NDRG2: variants seen among roughly 807,000 people sequenced by gnomAD.
The protein encoded by NDRG2 is NDRG family member 2.
In NDRG2, 34 loss-of-function variants were observed where a neutral mutation model predicts 58.2. The observed-to-expected ratio is 0.58, with a 90% CI of 0.44 to 0.78. The LOEUF (loss-of-function observed/expected upper bound fraction) is 0.78, where lower values mean the gene tolerates loss of function less well. Among genes scored for constraint, NDRG2 ranks in the 30% least tolerant of loss-of-function variants. The pLI, the probability that NDRG2 is intolerant of heterozygous loss-of-function variation, is 0.00. For missense variants in NDRG2, 434 were observed against 471.2 expected, an observed-to-expected ratio of 0.92 and a Z score of 0.73; for synonymous variants, 187 against 175.9, an observed-to-expected ratio of 1.06 and a Z score of -0.50.
chr14:21,018,300 G>A (rs1878023562), intron 13 of NDRG2, 61 bp from the exon 14 acceptor site: 5 of 1,610,848 alleles, frequency 3.1e-6, no homozygotes, highest in Middle Eastern at 1.7e-4. Flanking sequence ...ATGCAGAGAG[G>A]TGGAAAGGGT....
chr14:21,017,563 G>A lies in NDRG2; in HGVS notation c.*33C>T. On this transcript the variant is annotated 3_prime_UTR_variant, in exon 16 of 16. Transcript: ENST00000556147. ...CCAGGTTAGCTCTGGGGGAGGTGAGGGCTGGGTCCCACTCTAGGGCAACAA... is the reference window on the plus strand; with the variant it reads ...CCAGGTTAGCTCTGGGGGAGGTGAGAGCTGGGTCCCACTCTAGGGCAACAA... 1 of 1,601,894 alleles carries A rather than the reference G, an allele frequency of 6.2e-7. No individual in the cohort carries two copies. Among genetic ancestry groups the A allele is most frequent in the South Asian group, 1.1e-5 (1 of 88,676 alleles).
chr14:21,043,471 G>GA (rs781484631), intron 1 of NDRG2: 1 of 1,567,174 alleles, frequency 6.4e-7, no homozygotes, highest in South Asian at 1.2e-5. Context: ...TAGGTTTCCA[G>GA]ACTGGCTTGC....
chr14:21,025,021 C>A lies in NDRG2; in HGVS notation c.-998G>T. The A allele has an allele frequency of 2.0e-6, 2 of 986,046 alleles. No homozygotes were observed. Among genetic ancestry groups the A allele is most frequent in the Non-Finnish European group, 2.4e-6 (2 of 830,440 alleles). The allele number at this position is 986,046 out of a possible 1,614,324, so 61.1% of individuals were successfully genotyped here. A position where few individuals can be genotyped will look rare whatever the true frequency, so the allele number is the denominator to read the frequency against. On this transcript the variant is annotated 5_prime_UTR_variant, in exon 1 of 16. Transcript: ENST00000556147. This position sits in a 1 kb window ranked among gnomAD's most constrained non-coding sequence, Gnocchi z 5.1. The stretch of plus-strand genomic sequence containing the variant: ...GCCCTACGGCCCCTCGCCTGCCCCT[C>A]CCCCTACCTGCTGCCGCCGCGGCCG...
At chr14:21,059,474 G>T (rs1885838875) in intron 1 of NDRG2, among the ~76,000 whole-genome samples, 1 of 90,646 alleles carries the variant, frequency 1.1e-5, no homozygotes, top group African/African-American at 3.0e-5. Flanking sequence ...AAAGTTACTG[G>T]GTTTTTTTGG....
chr14:21,045,687 T>C (rs1392989286), intron 1 of NDRG2, among the ~76,000 whole-genome samples: 2 of 152,252 alleles, frequency 1.3e-5, no homozygotes, highest in African/African-American at 4.8e-5. Flanking sequence ...ATGCCTTCAA[T>C]GCATCCTCCC....
At chr14:21,029,268 G>A (rs1883899961), upstream of NDRG2, 1 of 152,210 alleles carries the variant, frequency 6.6e-6, no homozygotes, top group Admixed American at 6.5e-5. Context: ...AACTGCTGTG[G>A]TCTGAATGTT....
At chr14:21,040,745 T>A (rs1266763559) in intron 1 of NDRG2, among the ~76,000 whole-genome samples, 2 of 152,248 alleles carry the variant, frequency 1.3e-5, no homozygotes, top group Non-Finnish European at 2.9e-5. Flanking sequence ...TCTCTTCACT[T>A]GGAACATTCT....
intron 1 of NDRG2, among the ~76,000 whole-genome samples, chr14:21,046,505 C>T (rs1360295633): frequency 2.3e-5 from 1 of 42,870 alleles, no homozygotes; most frequent in Non-Finnish European, 6.1e-5. Context: ...CACTGCACTC[C>T]AGCCTGAGTA....
Position 21,034,269 on chromosome 14 carries a change from C to A in NDRG2, c.25-10948G>T, listed in dbSNP as rs372779444. The stretch of plus-strand genomic sequence containing the variant: ...CAGAACAAGCTGGAGGAAAAGGAGC[C>A]GGGTCACAGCTGGTGCCATTCCTCC... On this transcript the variant is annotated intron_variant, in intron 1 of 14. Transcript: ENST00000403829. The A allele has an allele frequency of 2.5e-6, 4 of 1,611,950 alleles. No homozygotes were observed. In the Admixed American group the frequency reaches 6.7e-5, roughly 27 times the overall value.
chr14:21,020,885 G>A (rs34056586), intron 6 of NDRG2, 41 bp from the exon 7 acceptor site: 99,297 of 1,602,678 alleles, frequency 0.062, 3,925 homozygotes, highest in Admixed American at 0.17. Flanking sequence ...GGGATCTGCT[G>A]TCCAAAACCT....
intron 1 of NDRG2, chr14:21,031,133 G>A (rs369707582): frequency 8.7e-6 from 14 of 1,614,118 alleles, no homozygotes; most frequent in Non-Finnish European, 8.5e-6. Flanking sequence ...TGGACTCATG[G>A]AGGGCAAAGA....
At chr14:21,034,764 A>G (rs1884506200) in intron 1 of NDRG2, 1 of 158,012 alleles carries the variant, frequency 6.3e-6, no homozygotes, top group Admixed American at 6.2e-5. Flanking sequence ...AGGAGAGGCT[A>G]GAAAGGTTTC....
chr14:21,069,900 G>A (rs998166027), intron 1 of NDRG2, among the ~76,000 whole-genome samples: 1 of 152,222 alleles, frequency 6.6e-6, no homozygotes. Context: ...CCCAGTTCTG[G>A]GAAGGGGCGG....
At chr14:21,043,212 G>C (rs182917147) in intron 1 of NDRG2, 1 of 1,613,988 alleles carries the variant, frequency 6.2e-7, no homozygotes, top group Non-Finnish European at 8.5e-7. Context: ...CTTCCTGCAC[G>C]AGCCTTTCTC....
intron 1 of NDRG2, among the ~76,000 whole-genome samples, chr14:21,037,042 GAGAATAGAA>G (rs1884668085): frequency 6.6e-6 from 1 of 152,164 alleles, no homozygotes; most frequent in African/African-American, 2.4e-5. Context: ...CAGCTTCCCT[GAGAATAGAA>G]AGGGACTTTT....
At chr14:21,053,122 C>T (rs947172318) in intron 1 of NDRG2, among the ~76,000 whole-genome samples, 2 of 152,094 alleles carry the variant, frequency 1.3e-5, no homozygotes, top group Admixed American at 1.3e-4. Flanking sequence ...GAACTGGGTG[C>T]CTGATATAAC....
chr14:21,024,316 G>A lies in NDRG2; in HGVS notation c.-293C>T, dbSNP rs544858648. 7 of 985,272 alleles carry A rather than the reference G, an allele frequency of 7.1e-6. No individual in the cohort carries two copies. The East Asian group carries it at 6.8e-4, about 96-fold the overall frequency. The allele number at this position is 985,272 out of a possible 1,614,324, so 61.0% of individuals were successfully genotyped here. A position where few individuals can be genotyped will look rare whatever the true frequency, so the allele number is the denominator to read the frequency against. On this transcript the variant is annotated 5_prime_UTR_variant, in exon 1 of 16. Transcript: ENST00000556147. ...ACAAGGGCATCAGTTCAGGCTGCGC[G>A]GAGGAGAGAAGGAAGTGCTGATGTG... is the stretch of plus-strand genomic sequence containing the variant.
chr14:21,057,969 G>T, intron 1 of NDRG2: 1 of 1,614,058 alleles, frequency 6.2e-7, no homozygotes, highest in Non-Finnish European at 8.5e-7. Context: ...GTCCTAGTCA[G>T]AGCCAAGCCC....
In NDRG2 at chr14:21,021,811, T is replaced by C; in HGVS notation, c.407+6A>G. ...TCTGGTTTGGAGGGGTTCCCAGGCCTCTCACTTTAGGTACTGCAGGACGCA... is the reference window on the plus strand; with the variant it reads ...TCTGGTTTGGAGGGGTTCCCAGGCCCCTCACTTTAGGTACTGCAGGACGCA... On this transcript the variant is annotated splice_donor_region_variant and intron_variant, in intron 6 of 15. Coordinates refer to ENST00000556147, the MANE Select transcript of NDRG2 (RefSeq NM_001320329.2). 1 of 1,611,592 alleles carries C rather than the reference T, an allele frequency of 6.2e-7. No individual in the cohort carries two copies.
Sources: allele counts gnomAD v4.1 joint callset (sites outside exome capture counted in the v4.1 genomes callset), GRCh38; gene constraint gnomAD v4.1.1; non-coding constraint Gnocchi (gnomAD v3.1); transcripts MANE v1.5; gene names NCBI Gene and HGNC (gene_info 2026-07-23, HGNC 2026-07-21).